Variants in KIAA1328 observed in about 807,000 individuals in gnomAD.
The protein encoded by KIAA1328 is protein hinderin.
KIAA1328 carries 52 observed loss-of-function variants against 68.1 expected under a neutral mutation model. The observed-to-expected ratio is 0.76, with a 90% CI of 0.61 to 0.96. KIAA1328 has a LOEUF of 0.96. Ranked by LOEUF, KIAA1328 falls within the 40% of genes least tolerant of loss-of-function variation. The pLI is 0.00. For missense variants in KIAA1328, 641 were observed against 677.6 expected (o/e 0.95, Z 0.60); for synonymous variants, 232 against 239.4 (o/e 0.97, Z 0.28).
chr18:37,184,102 CA>C (rs1254009487), intron 9 of KIAA1328, among the ~76,000 whole-genome samples: 2 of 152,128 alleles, frequency 1.3e-5, no homozygotes, highest in Non-Finnish European at 2.9e-5. Context: ...TGGTCATAAA[CA>C]AAGTGAATAT....
intron 6 of KIAA1328, among the ~76,000 whole-genome samples, chr18:37,015,146 C>T (rs539440806): frequency 9.2e-5 from 14 of 152,124 alleles, no homozygotes; most frequent in African/African-American, 2.6e-4. Flanking sequence ...CGTGATCCAC[C>T]CACCTCAGCC....
At chr18:36,950,682 ATATGC>A (rs1293191211) in intron 5 of KIAA1328, among the ~76,000 whole-genome samples, 4 of 152,168 alleles carry the variant, frequency 2.6e-5, no homozygotes, top group Admixed American at 2.6e-4. Flanking sequence ...GCCTAGAATG[ATATGC>A]TATCTTAATA....
At chr18:36,878,095 A>G (rs541794244) in intron 4 of KIAA1328, among the ~76,000 whole-genome samples, 1 of 152,236 alleles carries the variant, frequency 6.6e-6, no homozygotes, top group Admixed American at 6.5e-5. Context: ...CAGTTTCTTC[A>G]TAGTGTTGAT....
chr18:37,136,066 G>T (rs1384605554), intron 7 of KIAA1328, among the ~76,000 whole-genome samples: 1 of 152,152 alleles, frequency 6.6e-6, no homozygotes, highest in Non-Finnish European at 1.5e-5. Flanking sequence ...TTATAGTATA[G>T]TTTGAAGTTT....
At chr18:36,899,502 A>G (rs2048967239) in intron 5 of KIAA1328, among the ~76,000 whole-genome samples, 1 of 151,824 alleles carries the variant, frequency 6.6e-6, no homozygotes, top group Admixed American at 6.6e-5. Context: ...AGTATATCTA[A>G]ATTGCAATAA....
chr18:36,966,982 A>G (rs2051966385), intron 6 of KIAA1328, among the ~76,000 whole-genome samples: 1 of 152,202 alleles, frequency 6.6e-6, no homozygotes. Context: ...AACGATGAGA[A>G]GAGTAGAGGG....
At position 37,222,214 on chromosome 18, in the gene KIAA1328, T is replaced by C. The variant is rs1433099455; in HGVS notation, c.1721T>C (p.Ile574Thr). 1.3e-6 allele frequency: 2 copies of C among 1,563,952 alleles called. No individual in the cohort carries two copies. Among genetic ancestry groups the C allele is most frequent in the East Asian group, 2.4e-5 (1 of 42,036 alleles). Residue 574 changes from isoleucine (I) to threonine (T), a missense_variant, in exon 10 of 10, where the codon ATA becomes ACA. Transcript: ENST00000280020. ...ELEENQILED[I>T]FFI ...GAGGAGAATCAGATTCTGGAAGATATATTTTTCATTTGACATATTGCAAAA... is the reference window on the plus strand; with the variant it reads ...GAGGAGAATCAGATTCTGGAAGATACATTTTTCATTTGACATATTGCAAAA...
At chr18:36,846,100 T>A (rs576347183) in intron 4 of KIAA1328, among the ~76,000 whole-genome samples, 14 of 151,788 alleles carry the variant, frequency 9.2e-5, no homozygotes, top group Middle Eastern at 3.4e-3. Context: ...CTACTTTGTC[T>A]ACTTTTGTCT....
At chr18:37,051,180 A>G (rs2055678171) in intron 6 of KIAA1328, among the ~76,000 whole-genome samples, 1 of 152,168 alleles carries the variant, frequency 6.6e-6, no homozygotes, top group Admixed American at 6.5e-5. Context: ...GTTAAATAAC[A>G]TAAGGTTTAA....
intron 6 of KIAA1328, among the ~76,000 whole-genome samples, chr18:37,039,636 C>G (rs549197625): frequency 1.4e-4 from 22 of 152,264 alleles, no homozygotes; most frequent in African/African-American, 5.3e-4. Flanking sequence ...TGGTCTCAAT[C>G]TCTTGACCTC....
At chr18:36,971,664 A>G (rs1053867026) in intron 6 of KIAA1328, among the ~76,000 whole-genome samples, 2 of 152,288 alleles carry the variant, frequency 1.3e-5, no homozygotes, top group East Asian at 3.9e-4. Flanking sequence ...GTGGTACTGT[A>G]TACCATGAAA....
chr18:36,959,510 C>A, intron 6 of KIAA1328, 75 bp downstream of exon 6: 1 of 1,439,122 alleles, frequency 6.9e-7, no homozygotes. Context: ...TGTTTTTTAT[C>A]TTAATTTCCT....
intron 6 of KIAA1328, among the ~76,000 whole-genome samples, chr18:37,015,721 G>C (rs1410646524): frequency 3.3e-5 from 5 of 152,140 alleles, no homozygotes; most frequent in Non-Finnish European, 7.4e-5. Context: ...TCACCTCTTG[G>C]CTAGATGTAT....
chr18:37,029,443 A>T (rs1352192946), intron 6 of KIAA1328, among the ~76,000 whole-genome samples: 1 of 152,036 alleles, frequency 6.6e-6, no homozygotes, highest in East Asian at 1.9e-4. Context: ...GCATGATCTC[A>T]GTTCACTGCA....
At chr18:37,162,461 T>C (rs1475609864) in intron 8 of KIAA1328, among the ~76,000 whole-genome samples, 1 of 152,160 alleles carries the variant, frequency 6.6e-6, no homozygotes, top group Non-Finnish European at 1.5e-5. Flanking sequence ...AGGCTAAAGT[T>C]GCCCCTTTGA....
intron 5 of KIAA1328, among the ~76,000 whole-genome samples, chr18:36,951,900 T>G (rs1487347416): frequency 3.9e-5 from 6 of 152,226 alleles, no homozygotes; most frequent in African/African-American, 1.4e-4. Context: ...GCTTTTATTC[T>G]AGTCTTAAGC....
At chr18:36,887,750 T>C (rs1353228725) in intron 5 of KIAA1328, among the ~76,000 whole-genome samples, 1 of 152,170 alleles carries the variant, frequency 6.6e-6, no homozygotes, top group Non-Finnish European at 1.5e-5. Flanking sequence ...GGAAATGAAT[T>C]CAGCCCCCAA....
intron 6 of KIAA1328, among the ~76,000 whole-genome samples, chr18:37,042,378 T>G (rs55811995): frequency 0.14 from 20,811 of 152,232 alleles, 1,763 homozygotes; most frequent in Admixed American, 0.18. Flanking sequence ...AAGATTTTCT[T>G]CAGCATTTCT....
intron 9 of KIAA1328, among the ~76,000 whole-genome samples, chr18:37,216,488 T>C (rs1396583197): frequency 6.6e-6 from 1 of 152,232 alleles, no homozygotes; most frequent in Admixed American, 6.5e-5. Context: ...AGTTTGAATT[T>C]GATTGCACCG....
Sources: gnomAD v4.1 joint callset for allele counts (sites outside exome capture counted in the v4.1 genomes callset) on GRCh38, gnomAD v4.1.1 for gene constraint, MANE v1.5 for transcripts, NCBI Gene and HGNC (gene_info 2026-07-23, HGNC 2026-07-21) for gene names.